Variants in CD164L2 observed in about 807,000 individuals in gnomAD.
CD164L2 encodes CD164 molecule like 2, also known as CD164 sialomucin-like 2 protein.
CD164L2 carries 21 observed loss-of-function variants against 23.9 expected under a neutral mutation model. The observed-to-expected ratio is 0.88, with a 90% CI of 0.62 to 1.27. The LOEUF (loss-of-function observed/expected upper bound fraction) is 1.27, where lower values mean the gene tolerates loss of function less well. Among genes scored for constraint, CD164L2 ranks in the 50% most tolerant of loss-of-function variants. CD164L2 has a pLI of 0.00. For synonymous variants in CD164L2, 92 were observed against 90.2 expected, an observed-to-expected ratio of 1.02 and a Z score of -0.11; for missense variants, 230 against 224.8, an observed-to-expected ratio of 1.02 and a Z score of -0.15.
intron 4 of CD164L2, among the ~76,000 whole-genome samples, chr1:27,380,902 G>A (rs535304720): frequency 6.6e-6 from 1 of 152,252 alleles, no homozygotes; most frequent in South Asian, 2.1e-4. Context: ...GGCCATGGTT[G>A]CCAGGCTATG....
intron 3 of CD164L2, 134 bp from the exon 4 acceptor site, chr1:27,381,958 G>A (rs1285862601): frequency 2.2e-6 from 3 of 1,381,886 alleles, no homozygotes; most frequent in Non-Finnish European, 3.0e-6. Context: ...CAACATACTT[G>A]CAAGCCCCAC....
At chr1:27,380,926 C>G (rs532884439) in intron 4 of CD164L2, among the ~76,000 whole-genome samples, 1 of 152,380 alleles carries the variant, frequency 6.6e-6, no homozygotes, top group East Asian at 1.9e-4. Context: ...GGGTGGCTCC[C>G]AGCTGTGCCA....
At position 27,379,646 on chromosome 1, in the gene CD164L2, G is replaced by A. The variant is rs773165805; in HGVS notation, c.519-137C>T. On this transcript the variant is annotated intron_variant, in intron 5 of 5. Transcript: ENST00000374030. ...TGGCGACCCGCCCCACAGCACACAC[G>A]GCACACAGAGGGCCTCAGGCACAGC... The A allele has an allele frequency of 1.1e-4, 168 of 1,526,228 alleles. 1 individual carries two copies. The highest frequency in any genetic ancestry group is 1.4e-4 in the Admixed American group (7 of 49,368). The allele number at this position is 1,526,228 out of a possible 1,614,324, so 94.5% of individuals were successfully genotyped here. A position where few individuals can be genotyped will look rare whatever the true frequency, so the allele number is the denominator to read the frequency against.
At chr1:27,382,438 G>C (rs749720301) in intron 2 of CD164L2, 39 bp from the exon 3 acceptor site, 12 of 1,584,928 alleles carry the variant, frequency 7.6e-6, no homozygotes, top group Non-Finnish European at 1.0e-5. Flanking sequence ...TTGGGGAGAG[G>C]GGCCAGGGCC....
At chr1:27,380,891 G>A (rs142581386) in intron 4 of CD164L2, among the ~76,000 whole-genome samples, 2 of 152,362 alleles carry the variant, frequency 1.3e-5, no homozygotes, top group East Asian at 3.9e-4. Flanking sequence ...TAGGGCTTTA[G>A]GGCCATGGTT....
chr1:27,382,835 C>CAGAGGTCTACACACACCT, intron 1 of CD164L2, among the ~76,000 whole-genome samples, 168 bp from the exon 2 acceptor site: 1 of 151,628 alleles, frequency 6.6e-6, no homozygotes, highest in East Asian at 1.9e-4. Context: ...GCTTCCACAG[C>CAGAGGTCTACACACACCT]AGAGGTCTAC....
At position 27,382,559 on chromosome 1, in the gene CD164L2, C is replaced by G. The variant is rs2016357575; in HGVS notation, c.197G>C (p.Gly66Ala). The G allele has an allele frequency of 6.2e-7, 1 of 1,613,652 alleles. No individual in the cohort carries two copies. The highest frequency in any genetic ancestry group is 1.1e-5 in the South Asian group (1 of 91,068). The change falls in exon 2 of 6, where the codon GGA (glycine) becomes GCA (alanine). Residue 66 changes from glycine to alanine, a missense_variant. By Grantham distance (60) the Gly-to-Ala change is moderately conservative. Transcript: ENST00000374030. ...QLEVCEHCVE[G>A]DGARNLSSCV... ...GCTGGAGAGATTGCGCGCTCCGTCT[C>G]CCTCCACGCAGTGCTCACAGACCTC...
chr1:27,379,375 C>G lies in CD164L2; in HGVS notation c.*128G>C. 1 of 825,602 alleles carries G rather than the reference C, an allele frequency of 1.2e-6. No individual in the cohort carries two copies. Among genetic ancestry groups the G allele is most frequent in the South Asian group, 1.5e-5 (1 of 66,056 alleles). 51.1% of individuals were successfully genotyped at this position (825,602 alleles called of 1,614,324 possible). ...CATCAGACACTGAGCCTGCTTGGTG[C>G]CCGCAGGAGCCAAAAACTGGCGGCC... On this transcript the variant is annotated 3_prime_UTR_variant, in exon 6 of 6. Coordinates refer to ENST00000374030, the MANE Select transcript of CD164L2 (RefSeq NM_001330448.1).
Position 27,379,333 on chromosome 1 carries a change from C to G in CD164L2, c.*170G>C. ...TCAGCTGCAGGTTCCAGGCCCAGGACAGGAGGAGATGTCAGGCATCAGACA... is the reference window on the plus strand; with the variant it reads ...TCAGCTGCAGGTTCCAGGCCCAGGAGAGGAGGAGATGTCAGGCATCAGACA... On this transcript the variant is annotated 3_prime_UTR_variant, in exon 6 of 6. Transcript: ENST00000374030. The G allele has an allele frequency of 3.1e-6, 2 of 652,248 alleles. No individual in the cohort carries two copies. The highest frequency in any genetic ancestry group is 5.6e-6 in the Non-Finnish European group (2 of 358,152). The allele number at this position is 652,248 out of a possible 1,614,324, so 40.4% of individuals were successfully genotyped here.
At position 27,382,419 on chromosome 1, in the gene CD164L2, G is replaced by C. The variant is rs372070371; in HGVS notation, c.257-20C>G. On this transcript the variant is annotated intron_variant, in intron 2 of 5. Coordinates refer to ENST00000374030, the MANE Select transcript of CD164L2 (RefSeq NM_001330448.1). ...AGTGTCCTGGTGAGAGAAGGTGCAG[G>C]GGGGAGGTTTGGGGAGAGGGGCCAG... 3.1e-6 allele frequency: 5 copies of C among 1,595,122 alleles called. No individual in the cohort carries two copies. Among genetic ancestry groups the C allele is most frequent in the South Asian group, 2.2e-5 (2 of 89,278 alleles).
intron 5 of CD164L2, 75 bp from the exon 6 acceptor site, chr1:27,379,584 G>A (rs1452385637): frequency 6.5e-7 from 1 of 1,550,382 alleles, no homozygotes; most frequent in Non-Finnish European, 8.7e-7. Flanking sequence ...CTCGAGAGGA[G>A]GCAGCAGAGG....
rs749630215 is a variant in CD164L2 at position 27,382,514 on chromosome 1, C to T, written c.242G>A (p.Arg81Gln). ...CAGCTCCATACCTGGCTCCTCTGGC[C>T]GGCACTGCTCCCACACGCAGCTGGA... is the stretch of plus-strand genomic sequence containing the variant. ...NLSSCVWEQCRPEEPGHCVAQ... is the reference protein window; with the variant it reads ...NLSSCVWEQCQPEEPGHCVAQ... Residue 81 changes from arginine to glutamine, a missense_variant, in exon 2 of 6, where the codon CGG becomes CAG. Physicochemically the swap from Arg to Gln is conservative, Grantham distance 43 (BLOSUM62 1). Coordinates refer to ENST00000374030, the MANE Select transcript of CD164L2 (RefSeq NM_001330448.1). 3.7e-6 allele frequency: 6 copies of T among 1,606,840 alleles called. No homozygotes were observed. The East Asian group carries it at 1.3e-4, about 36-fold the overall frequency.
At position 27,382,416 on chromosome 1, in the gene CD164L2, C is replaced by A. The variant is rs754579947; in HGVS notation, c.257-17G>T. On this transcript the variant is annotated splice_polypyrimidine_tract_variant and intron_variant, in intron 2 of 5. Coordinates refer to ENST00000374030, the MANE Select transcript of CD164L2 (RefSeq NM_001330448.1). ...CACAGTGTCCTGGTGAGAGAAGGTG[C>A]AGGGGGGAGGTTTGGGGAGAGGGGC... 1.3e-6 allele frequency: 2 copies of A among 1,593,944 alleles called. No individual in the cohort carries two copies. Among genetic ancestry groups the A allele is most frequent in the African/African-American group, 2.7e-5 (2 of 74,500 alleles).
At chr1:27,381,641 C>G in intron 4 of CD164L2, 139 bp downstream of exon 4, 1 of 870,710 alleles carries the variant, frequency 1.1e-6, no homozygotes, top group Non-Finnish European at 1.8e-6. Flanking sequence ...ATCATCCAAC[C>G]CATTTCACAG....
chr1:27,381,840 A>T lies in CD164L2; in HGVS notation c.329-16T>A, dbSNP rs754273340. On this transcript the variant is annotated splice_polypyrimidine_tract_variant and intron_variant, in intron 3 of 5. Transcript: ENST00000374030. The stretch of plus-strand genomic sequence containing the variant: ...TGGTGAGCAGCTGAGGAGACAGGTG[A>T]TCCATAGCAAAGCAGCCTTCCCACC... 4 of 1,613,800 alleles carry T rather than the reference A, an allele frequency of 2.5e-6. No individual in the cohort carries two copies. In the South Asian group the frequency reaches 3.3e-5, roughly 13 times the overall value.
chr1:27,379,490 A>G lies in CD164L2; in HGVS notation c.*13T>C. 6.5e-7 allele frequency: 1 copy of G among 1,548,176 alleles called. No individual in the cohort carries two copies. Among genetic ancestry groups the G allele is most frequent in the Non-Finnish European group, 8.7e-7 (1 of 1,145,936 alleles). ...CTCCTTTCCCCTCAGGATGGAGTCCAGGCCCAAAGGGGTCAGATTCTGCAG... is the reference window on the plus strand; with the variant it reads ...CTCCTTTCCCCTCAGGATGGAGTCCGGGCCCAAAGGGGTCAGATTCTGCAG... On this transcript the variant is annotated 3_prime_UTR_variant, in exon 6 of 6. Transcript: ENST00000374030.
At chr1:27,382,430 G>A in intron 2 of CD164L2, 31 bp from the exon 3 acceptor site, 2 of 1,588,962 alleles carry the variant, frequency 1.3e-6, no homozygotes, top group Non-Finnish European at 1.7e-6. Context: ...GGGGAGGTTT[G>A]GGGAGAGGGG....
intron 5 of CD164L2, chr1:27,379,771 G>T (rs1377214471): frequency 5.6e-6 from 8 of 1,435,724 alleles, no homozygotes; most frequent in African/African-American, 1.4e-5. Flanking sequence ...GCACCTACTG[G>T]TTCTCTTCCC....
In CD164L2 at chr1:27,383,294, C is replaced by G; in HGVS notation, c.-55G>C. On this transcript the variant is annotated 5_prime_UTR_variant, in exon 1 of 6. Coordinates refer to ENST00000374030, the MANE Select transcript of CD164L2 (RefSeq NM_001330448.1). ...GGTGGCCGGGATCGGTGGACAGCTG[C>G]CGGGCGCGTCCCTCCCAGACTGGGC... 2 of 1,164,084 alleles carry G rather than the reference C, an allele frequency of 1.7e-6. No individual in the cohort carries two copies. The highest frequency in any genetic ancestry group is 2.6e-5 in the East Asian group (1 of 38,672). The allele number at this position is 1,164,084 out of a possible 1,614,324, so 72.1% of individuals were successfully genotyped here.
Sources: allele counts gnomAD v4.1 joint callset (sites outside exome capture counted in the v4.1 genomes callset), GRCh38; gene constraint gnomAD v4.1.1; transcripts MANE v1.5; gene names NCBI Gene and HGNC (gene_info 2026-07-23, HGNC 2026-07-21).